UGT2A1: variants seen among roughly 807,000 people sequenced by gnomAD.
The protein encoded by UGT2A1 is UDP-glucuronosyltransferase 2A1.
In UGT2A1, 61 loss-of-function variants were observed where a neutral mutation model predicts 45.4. The ratio of observed to expected loss-of-function variants is 1.34; its 90% CI spans 1.09 to 1.66. The LOEUF (loss-of-function observed/expected upper bound fraction) is 1.66, where lower values mean the gene tolerates loss of function less well. Ranked by LOEUF, UGT2A1 falls within the 40% of genes most tolerant of loss-of-function variation. The pLI, the probability that UGT2A1 is intolerant of heterozygous loss-of-function variation, is 0.00. For synonymous variants in UGT2A1, 229 were observed against 196.2 expected (o/e 1.17, Z -1.40); for missense variants, 649 against 574.3 (o/e 1.13, Z -1.33).
At chr4:69,645,220 A>T (rs2109977051) in intron 2 of UGT2A1, among the ~76,000 whole-genome samples, 1 of 151,864 alleles carries the variant, frequency 6.6e-6, no homozygotes, top group Admixed American at 6.6e-5. Context: ...TACCTCTGAG[A>T]TCTCATCCCG....
intron 4 of UGT2A1, among the ~76,000 whole-genome samples, chr4:69,595,685 T>C (rs1449502407): frequency 1.3e-5 from 2 of 152,164 alleles, no homozygotes; most frequent in Non-Finnish European, 2.9e-5. Flanking sequence ...TAAGGTTAAT[T>C]GAATAACATA....
intron 2 of UGT2A1, chr4:69,638,973 A>G (rs1007029903): frequency 6.2e-7 from 1 of 1,613,058 alleles, no homozygotes; most frequent in Admixed American, 1.7e-5. Flanking sequence ...AGAATAAGAT[A>G]TGGTATTTTT....
intron 1 of UGT2A1, among the ~76,000 whole-genome samples, chr4:69,650,559 AAAC>A (rs1722472962): frequency 6.6e-6 from 1 of 152,106 alleles, no homozygotes; most frequent in Admixed American, 6.6e-5. Flanking sequence ...AAAATAAAAT[AAAC>A]AACATATCTG....
At chr4:69,626,156 T>C (rs868316218) in intron 3 of UGT2A1, among the ~76,000 whole-genome samples, 1 of 151,550 alleles carries the variant, frequency 6.6e-6, no homozygotes, top group African/African-American at 2.4e-5. Flanking sequence ...TGGGCTATTT[T>C]TTTTTAATTC....
intron 3 of UGT2A1, among the ~76,000 whole-genome samples, chr4:69,630,443 G>A (rs1399598094): frequency 6.6e-6 from 1 of 152,000 alleles, no homozygotes; most frequent in Non-Finnish European, 1.5e-5. Context: ...ACAAGCCATA[G>A]TTTTTATCAA....
At chr4:69,635,167 A>T (rs982099949) in intron 3 of UGT2A1, among the ~76,000 whole-genome samples, 4 of 152,208 alleles carry the variant, frequency 2.6e-5, no homozygotes, top group Admixed American at 6.5e-5. Flanking sequence ...TAAAGTTCAG[A>T]TTTAAATTAA....
At chr4:69,597,686 T>C (rs1324248974) in intron 4 of UGT2A1, among the ~76,000 whole-genome samples, 1 of 151,896 alleles carries the variant, frequency 6.6e-6, no homozygotes, top group Admixed American at 6.6e-5. Context: ...TTTGATTTAT[T>C]TTCCAAACAG....
intron 3 of UGT2A1, among the ~76,000 whole-genome samples, chr4:69,615,937 T>C (rs1720355264): frequency 6.6e-6 from 1 of 152,034 alleles, no homozygotes; most frequent in South Asian, 2.1e-4. Context: ...AATCAGTATA[T>C]CAAAGAAATA....
intron 2 of UGT2A1, 37 bp downstream of exon 2, chr4:69,646,893 T>C (rs1323840555): frequency 1.4e-6 from 2 of 1,449,186 alleles, no homozygotes; most frequent in African/African-American, 2.8e-5. Flanking sequence ...GTCTGTTTGT[T>C]CAAATTCAAG....
intron 6 of UGT2A1, 115 bp downstream of exon 6, chr4:69,594,362 C>A: frequency 7.6e-7 from 1 of 1,318,116 alleles, no homozygotes; most frequent in South Asian, 1.5e-5. Context: ...TTATATTGGT[C>A]AGGTTATGGT....
chr4:69,603,908 G>A (rs1719450411), intron 3 of UGT2A1, among the ~76,000 whole-genome samples: 2 of 136,234 alleles, frequency 1.5e-5, no homozygotes, highest in Non-Finnish European at 3.1e-5. Flanking sequence ...CAAGAAATAT[G>A]GGACTATGTG....
chr4:69,643,478 A>C (rs1722129183), intron 2 of UGT2A1, among the ~76,000 whole-genome samples: 1 of 151,612 alleles, frequency 6.6e-6, no homozygotes, highest in African/African-American at 2.4e-5. Flanking sequence ...TCTGTGTTAC[A>C]ACTTTTTTCT....
chr4:69,635,358 C>A (rs994966222), intron 3 of UGT2A1, among the ~76,000 whole-genome samples: 7 of 152,122 alleles, frequency 4.6e-5, no homozygotes, highest in Non-Finnish European at 1.0e-4. Context: ...ACTGGAAACC[C>A]AAAAGACACA....
rs1048129101 is a variant in UGT2A1, at chr4:69,603,998, A to G, written c.848-4604T>C. Among the ~76,000 whole-genome samples, 3 of 137,110 alleles carry G rather than the reference A, an allele frequency of 2.2e-5. 1 individual carries two copies. In the South Asian group the frequency reaches 7.1e-4, roughly 33 times the overall value. The allele number at this position is 137,110 out of a possible 152,430, so 89.9% of individuals were successfully genotyped here. A position where few individuals can be genotyped will look rare whatever the true frequency, so the allele number is the denominator to read the frequency against. ...ACCAAGTTGGAAAACACTCTGCAGG[A>G]TATTATCCAGTAGAACCTCCCCAGT... On this transcript the variant is annotated intron_variant, in intron 3 of 6. Transcript: ENST00000286604.
chr4:69,647,257 G>C lies in UGT2A1; in HGVS notation c.388C>G (p.Leu130Val), dbSNP rs866560378. Residue 130 changes from leucine to valine, a missense_variant, in exon 2 of 7, where the codon CTT becomes GTT. Physicochemically the swap from Leu to Val is conservative, Grantham distance 32. Coordinates refer to ENST00000286604, the MANE Select transcript of UGT2A1 (RefSeq NM_001252275.3). ...TTTGCCATCAGCTGTTGGTTTTTAA[G>C]AACGCCATCACAGATCTCCTGAGAC... ...MVSQEICDGV[L>V]KNQQLMAKLK... The C allele has an allele frequency of 6.2e-7, 1 of 1,613,326 alleles. No individual in the cohort carries two copies. Among genetic ancestry groups the C allele is most frequent in the East Asian group, 2.2e-5 (1 of 44,868 alleles).
chr4:69,594,530 T>C lies in UGT2A1; in HGVS notation c.1251A>G (p.Thr417=). 1.2e-6 allele frequency: 2 copies of C among 1,614,188 alleles called. No individual in the cohort carries two copies. The highest frequency in any genetic ancestry group is 2.2e-5 in the East Asian group (1 of 44,876). The change falls in exon 6 of 7, where the codon ACA becomes ACG. Residue 417 remains threonine, a synonymous_variant. Transcript: ENST00000286604. The part of the protein sequence containing the change: ...KGAAVEVNLN[T]MTSVDLLSAL... ...CGCTAAGCAAATCCACACTTGTCATTGTGTTTAGGTTCACTTCCACAGCTG... is the reference window on the plus strand; with the variant it reads ...CGCTAAGCAAATCCACACTTGTCATCGTGTTTAGGTTCACTTCCACAGCTG...
At chr4:69,607,650 A>C (rs1257649381) in intron 3 of UGT2A1, among the ~76,000 whole-genome samples, 2 of 152,190 alleles carry the variant, frequency 1.3e-5, no homozygotes, top group Non-Finnish European at 2.9e-5. Flanking sequence ...GAATGGGAGA[A>C]AATTTTTGCA....
intron 6 of UGT2A1, among the ~76,000 whole-genome samples, chr4:69,593,090 C>T (rs189954102): frequency 4.6e-5 from 7 of 152,104 alleles, no homozygotes; most frequent in African/African-American, 1.4e-4. Flanking sequence ...AAAGCAAGAG[C>T]TAAATATATT....
Position 69,633,970 on chromosome 4 carries a change from G to A in UGT2A1, c.847+1721C>T, listed in dbSNP as rs931260369. ...TACAAAATTTTAAAAACCCGGCCGCGCGCGGTGGCTCACGCCTGTAATCTC... is the reference window on the plus strand; with the variant it reads ...TACAAAATTTTAAAAACCCGGCCGCACGCGGTGGCTCACGCCTGTAATCTC... On this transcript the variant is annotated intron_variant, in intron 3 of 6. Coordinates refer to ENST00000286604, the MANE Select transcript of UGT2A1 (RefSeq NM_001252275.3). Among the ~76,000 whole-genome samples, 6 of 152,246 alleles carry A rather than the reference G, an allele frequency of 3.9e-5. No individual in the cohort carries two copies. The East Asian group carries it at 5.8e-4, about 15-fold the overall frequency.
Sources: gnomAD v4.1 joint callset for allele counts (sites outside exome capture counted in the v4.1 genomes callset) on GRCh38, gnomAD v4.1.1 for gene constraint, MANE v1.5 for transcripts, NCBI Gene and HGNC (gene_info 2026-07-23, HGNC 2026-07-21) for gene names.